The following ANKRD45 variants were observed in gnomAD, a reference collection of about 807,000 sequenced individuals.
ANKRD45 encodes the protein ankyrin repeat domain-containing protein 45.
Under a neutral mutation model 28.1 loss-of-function variants are expected in ANKRD45, and 21 were observed. The observed-to-expected ratio is 0.75, with a 90% CI of 0.53 to 1.08. The LOEUF (loss-of-function observed/expected upper bound fraction) is 1.08, where lower values mean the gene tolerates loss of function less well. ANKRD45 is among the 50% of genes least tolerant of loss of function. ANKRD45 has a pLI of 0.00. For synonymous variants in ANKRD45, 86 were observed against 103.9 expected (o/e 0.83, Z 1.05); for missense variants, 261 against 308.7 (o/e 0.85, Z 1.16).
upstream of ANKRD45, among the ~76,000 whole-genome samples, chr1:173,671,798 C>T (rs191784796): frequency 2.6e-3 from 392 of 151,150 alleles, 1 homozygote; most frequent in African/African-American, 8.8e-3. Flanking sequence ...AGGAGAATCA[C>T]GTAAACCCGG....
chr1:173,660,005 A>G (rs546577359), intron 1 of ANKRD45, among the ~76,000 whole-genome samples: 24 of 152,360 alleles, frequency 1.6e-4, no homozygotes, highest in African/African-American at 5.8e-4. Context: ...GGTGACAAGT[A>G]GTAATAATGC....
At chr1:173,642,960 GA>G in intron 3 of ANKRD45, among the ~76,000 whole-genome samples, 1 of 152,324 alleles carries the variant, frequency 6.6e-6, no homozygotes, top group Non-Finnish European at 1.5e-5. Flanking sequence ...CCTTTCTGCA[GA>G]AAGTAAACTA....
At chr1:173,630,819 A>T (rs1571714834) in intron 3 of ANKRD45, among the ~76,000 whole-genome samples, 2 of 54,194 alleles carry the variant, frequency 3.7e-5, no homozygotes, top group African/African-American at 2.7e-4. Flanking sequence ...GACTCTGTCT[A>T]AAAAAAAAAA....
At chr1:173,621,062 G>A (rs1212492282) in intron 5 of ANKRD45, among the ~76,000 whole-genome samples, 2 of 152,090 alleles carry the variant, frequency 1.3e-5, no homozygotes, top group Non-Finnish European at 2.9e-5. Context: ...TAGAAGAAAT[G>A]AATAAATTCC....
intron 4 of ANKRD45, 80 bp downstream of exon 4, chr1:173,626,985 T>A (rs1667968486): frequency 1.0e-6 from 1 of 974,172 alleles, no homozygotes; most frequent in South Asian, 1.5e-5. Flanking sequence ...TACCTGCCTT[T>A]AGAACATCAG....
intron 3 of ANKRD45, among the ~76,000 whole-genome samples, chr1:173,640,722 T>G (rs891135319): frequency 9.2e-5 from 14 of 152,154 alleles, no homozygotes; most frequent in African/African-American, 3.4e-4. Context: ...GCCCTCTAAC[T>G]GACACAGTTA....
In ANKRD45 at chr1:173,609,754, C is replaced by A; in HGVS notation, c.*391G>T. The A allele has an allele frequency of 6.0e-6, 1 of 166,622 alleles. No individual in the cohort carries two copies. Among genetic ancestry groups the A allele is most frequent in the South Asian group, 1.7e-4 (1 of 5,732 alleles). The allele number at this position is 166,622 out of a possible 1,614,324, so 10.3% of individuals were successfully genotyped here. A position where few individuals can be genotyped will look rare whatever the true frequency, so the allele number is the denominator to read the frequency against. On this transcript the variant is annotated 3_prime_UTR_variant, in exon 6 of 6. Coordinates refer to ENST00000333279, the MANE Select transcript of ANKRD45 (RefSeq NM_198493.3). ...TATTTCCTTGCTCCAAGTGTCATTC[C>A]ATAAGATTTCCTTTTTAGGCAGGGA...
the ANKRD45 span, among the ~76,000 whole-genome samples, chr1:173,706,114 C>A: frequency 2.6e-5 from 4 of 151,844 alleles, no homozygotes; most frequent in African/African-American, 9.7e-5. Flanking sequence ...ACCAGCCTGA[C>A]CAATATGGTG....
At chr1:173,682,441 A>C in the ANKRD45 span, among the ~76,000 whole-genome samples, 1 of 152,158 alleles carries the variant, frequency 6.6e-6, no homozygotes, top group Non-Finnish European at 1.5e-5. Context: ...GAGTTCCATA[A>C]GGAAAAACAG....
At chr1:173,637,471 A>T (rs1414857461) in intron 3 of ANKRD45, among the ~76,000 whole-genome samples, 1 of 152,226 alleles carries the variant, frequency 6.6e-6, no homozygotes, top group Non-Finnish European at 1.5e-5. Flanking sequence ...CCAAGCAAGC[A>T]TGAGGTCATA....
At chr1:173,697,219 G>T in the ANKRD45 span, among the ~76,000 whole-genome samples, 2 of 152,184 alleles carry the variant, frequency 1.3e-5, no homozygotes, top group Admixed American at 1.3e-4. Context: ...CAGGAGAATG[G>T]AACCAAGCTA....
chr1:173,666,611 C>T (rs1432113075), intron 1 of ANKRD45, among the ~76,000 whole-genome samples: 1 of 152,126 alleles, frequency 6.6e-6, no homozygotes, highest in Admixed American at 6.5e-5. Flanking sequence ...GAGAAAAAGT[C>T]TGTATACGTT....
chr1:173,687,848 T>C, the ANKRD45 span, among the ~76,000 whole-genome samples: 1 of 152,170 alleles, frequency 6.6e-6, no homozygotes, highest in Non-Finnish European at 1.5e-5. Context: ...CTCAATCACC[T>C]GGGAGGAAAC....
Position 173,628,081 on chromosome 1 carries a change from C to T in ANKRD45, c.497-922G>A, listed in dbSNP as rs140345436. 4.2e-3 allele frequency among the ~76,000 whole-genome samples: 632 copies of T among 151,796 alleles called. 9 individuals are homozygous for T. Among genetic ancestry groups the T allele is most frequent in the South Asian group, 0.022 (104 of 4,808 alleles). The stretch of plus-strand genomic sequence containing the variant: ...GACCCAGGCCTGGCAGGATTCATCA[C>T]CTGCTGACTAAAGAGCCCTTGGGTC... On this transcript the variant is annotated intron_variant, in intron 3 of 5. Transcript: ENST00000333279.
intron 2 of ANKRD45, among the ~76,000 whole-genome samples, chr1:173,651,894 T>G (rs1231386057): frequency 6.6e-6 from 1 of 152,208 alleles, no homozygotes; most frequent in African/African-American, 2.4e-5. Flanking sequence ...TGGCTCTCTG[T>G]TTCTCTGTTA....
chr1:173,682,328 A>G, the ANKRD45 span, among the ~76,000 whole-genome samples: 1 of 152,200 alleles, frequency 6.6e-6, no homozygotes, highest in Non-Finnish European at 1.5e-5. Context: ...AAAACCCAAG[A>G]GTAAACTCTG....
chr1:173,613,435 CA>C (rs1667284940), intron 5 of ANKRD45, among the ~76,000 whole-genome samples: 1 of 151,576 alleles, frequency 6.6e-6, no homozygotes, highest in Non-Finnish European at 1.5e-5. Flanking sequence ...CTCCGCCCGG[CA>C]GCCGCCCCCT....
chr1:173,689,647 T>C, the ANKRD45 span, among the ~76,000 whole-genome samples: 2 of 152,222 alleles, frequency 1.3e-5, no homozygotes, highest in African/African-American at 2.4e-5. Context: ...AGGAATCTCA[T>C]AGGCCCTTCG....
At chr1:173,613,982 C>G (rs1667346892) in intron 5 of ANKRD45, among the ~76,000 whole-genome samples, 1 of 152,190 alleles carries the variant, frequency 6.6e-6, no homozygotes, top group Non-Finnish European at 1.5e-5. Flanking sequence ...CAACCCTGTG[C>G]TCTCTGAAAC....
Sources: gnomAD v4.1 joint callset for allele counts (sites outside exome capture counted in the v4.1 genomes callset) on GRCh38, gnomAD v4.1.1 for gene constraint, MANE v1.5 for transcripts, NCBI Gene and HGNC (gene_info 2026-07-23, HGNC 2026-07-21) for gene names.